ZNF469: variants seen among roughly 807,000 people sequenced by gnomAD.
ZNF469 encodes the protein zinc finger protein 469.
Under a neutral mutation model 1.0 loss-of-function variants are expected in ZNF469, and 1 was observed. The observed-to-expected ratio is 1.00, with a 90% CI of 0.35 to 4.73. The LOEUF (loss-of-function observed/expected upper bound fraction) is 4.73, where lower values mean the gene tolerates loss of function less well. Ranked by LOEUF, ZNF469 falls within the 30% of genes most tolerant of loss-of-function variation. The pLI is 0.16. For synonymous variants in ZNF469, 2,703 were observed against 2,363.4 expected (o/e 1.14, Z -4.17); for missense variants, 6,100 against 5,356.3 (o/e 1.14, Z -4.33).
chr16:88,200,127 G>A, the ZNF469 span, among the ~76,000 whole-genome samples: 1 of 152,010 alleles, frequency 6.6e-6, no homozygotes, highest in South Asian at 2.1e-4. Flanking sequence ...CGGCACGGCC[G>A]AAGAGAACAC....
the ZNF469 span, among the ~76,000 whole-genome samples, chr16:88,176,103 T>TG: frequency 0.017 from 2,514 of 151,968 alleles, 91 homozygotes; most frequent in African/African-American, 0.058. Context: ...CCCAGAGGGC[T>TG]GGGGGGTCTC....
At chr16:88,394,073 TG>T (rs1904578702) in intron 1 of ZNF469, among the ~76,000 whole-genome samples, 1 of 107,530 alleles carries the variant, frequency 9.3e-6, no homozygotes, top group Non-Finnish European at 2.2e-5. Context: ...CTGCGCTGCC[TG>T]AGAGGAGCAG....
the ZNF469 span, among the ~76,000 whole-genome samples, chr16:88,118,920 C>T: frequency 3.2e-4 from 48 of 152,316 alleles, no homozygotes; most frequent in Middle Eastern, 0.014. Context: ...CTGCATTCCA[C>T]GGAGATGCAG....
At chr16:88,247,027 A>ATAAG in the ZNF469 span, among the ~76,000 whole-genome samples, 1 of 149,494 alleles carries the variant, frequency 6.7e-6, no homozygotes, top group African/African-American at 2.5e-5. Flanking sequence ...GAGTGAGTGA[A>ATAAG]TGAGTGAATG....
chr16:88,253,616 C>G, the ZNF469 span, among the ~76,000 whole-genome samples: 1 of 151,072 alleles, frequency 6.6e-6, no homozygotes, highest in Non-Finnish European at 1.5e-5. Flanking sequence ...CGGCTCACTG[C>G]AAACTCTGCC....
In ZNF469 at chr16:88,438,221, C is replaced by G; in HGVS notation, c.10751C>G (p.Pro3584Arg). 1 of 1,546,880 alleles carries G rather than the reference C, an allele frequency of 6.5e-7. No homozygotes were observed. Among genetic ancestry groups the G allele is most frequent in the Non-Finnish European group, 8.7e-7 (1 of 1,144,560 alleles). ...ALERPENEASPGSPGPLLQQA... is the reference protein window; with the variant it reads ...ALERPENEASRGSPGPLLQQA... The stretch of plus-strand genomic sequence containing the variant: ...GAGAGGCCAGAGAACGAGGCTTCCC[C>G]AGGCAGCCCCGGGCCTCTTCTCCAG... The change falls in exon 3 of 3, where the codon CCA (proline) becomes CGA (arginine). Residue 3584 changes from proline to arginine, a missense_variant. By Grantham distance (103) the Pro-to-Arg change is moderately radical. Coordinates refer to ENST00000565624, the MANE Select transcript of ZNF469 (RefSeq NM_001367624.2).
the ZNF469 span, among the ~76,000 whole-genome samples, chr16:88,198,833 C>T: frequency 8.5e-5 from 13 of 152,324 alleles, no homozygotes; most frequent in South Asian, 8.3e-4. Flanking sequence ...CACGCCGGGA[C>T]GTTGCAAGGC....
chr16:88,434,726 A>C lies in ZNF469; in HGVS notation c.7256A>C (p.Gln2419Pro). The C allele has an allele frequency of 6.5e-7, 1 of 1,550,368 alleles. No individual in the cohort carries two copies. Among genetic ancestry groups the C allele is most frequent in the Non-Finnish European group, 8.7e-7 (1 of 1,146,976 alleles). The change falls in exon 3 of 3, where the codon CAG becomes CCG. Residue 2419 changes from glutamine (Q) to proline (P), a missense_variant. Gln to Pro is a moderately conservative substitution (Grantham distance 76, BLOSUM62 -1). Transcript: ENST00000565624. ...TAPSSTASDF[Q>P]SDSPQSHRNA... is the part of the protein sequence containing the mutation. ...CCAAGCAGCACAGCCAGTGACTTCC[A>C]GTCTGACTCCCCCCAAAGCCACAGA... is the stretch of plus-strand genomic sequence containing the variant.
At chr16:88,361,708 T>A in the ZNF469 span, among the ~76,000 whole-genome samples, 1 of 152,120 alleles carries the variant, frequency 6.6e-6, no homozygotes, top group Non-Finnish European at 1.5e-5. Flanking sequence ...CTTTTTTTTT[T>A]CGTTGAAATC....
chr16:88,106,416 T>C, the ZNF469 span, among the ~76,000 whole-genome samples: 6,688 of 152,312 alleles, frequency 0.044, 481 homozygotes, highest in African/African-American at 0.15. Flanking sequence ...CTGTCTACTC[T>C]TGTGTTCTAG....
chr16:88,340,274 G>A, the ZNF469 span, among the ~76,000 whole-genome samples: 1 of 152,194 alleles, frequency 6.6e-6, no homozygotes, highest in Non-Finnish European at 1.5e-5. Context: ...GTGGGAGTGA[G>A]CCACGTGTAC....
intron 1 of ZNF469, among the ~76,000 whole-genome samples, chr16:88,423,030 T>C (rs1905545241): frequency 6.7e-6 from 1 of 148,756 alleles, no homozygotes. Flanking sequence ...GGTATCTGGA[T>C]GGATGGGTAG....
chr16:88,327,854 G>T, the ZNF469 span, among the ~76,000 whole-genome samples: 1 of 152,212 alleles, frequency 6.6e-6, no homozygotes, highest in African/African-American at 2.4e-5. Flanking sequence ...CCCGAGTTCA[G>T]CTGGGGCCCA....
the ZNF469 span, among the ~76,000 whole-genome samples, chr16:88,274,994 G>A: frequency 4.6e-5 from 7 of 152,174 alleles, no homozygotes; most frequent in Non-Finnish European, 8.8e-5. Flanking sequence ...AACTAAAAAG[G>A]AGCAAAGTTG....
the ZNF469 span, among the ~76,000 whole-genome samples, chr16:88,120,631 GCAGA>G: frequency 3.9e-5 from 6 of 152,234 alleles, no homozygotes; most frequent in African/African-American, 7.2e-5. Flanking sequence ...CACGGAGCAT[GCAGA>G]CCCACCAGAA....
intron 1 of ZNF469, among the ~76,000 whole-genome samples, chr16:88,422,281 A>ATGGATGGATGGATGG (rs1567506436): frequency 3.3e-5 from 4 of 121,788 alleles, no homozygotes; most frequent in East Asian, 2.7e-4. Context: ...ATAGGTGGGT[A>ATGGATGGATGGATGG]ATGGATGGAT....
the ZNF469 span, among the ~76,000 whole-genome samples, chr16:88,104,615 G>C: frequency 6.6e-6 from 1 of 152,252 alleles, no homozygotes; most frequent in Non-Finnish European, 1.5e-5. Context: ...CTCGCTCAGC[G>C]TCACATTCCG....
rs139262594 is a variant in ZNF469, at chr16:88,394,216, T to C, written c.-192+10962T>C. Reference sequence around the variant, plus strand: ...CCTGGGAGGAGCGGAGTTTGACACATGTACACCTGTGCTGTCCAAGAGGAG... The same window carrying C: ...CCTGGGAGGAGCGGAGTTTGACACACGTACACCTGTGCTGTCCAAGAGGAG... On this transcript the variant is annotated intron_variant, in intron 1 of 2. Coordinates refer to ENST00000565624, the MANE Select transcript of ZNF469 (RefSeq NM_001367624.2). Among the ~76,000 whole-genome samples the C allele has an allele frequency of 1.9e-3, 286 of 147,836 alleles. 20 individuals carry two copies. The highest frequency in any genetic ancestry group is 7.0e-3 in the African/African-American group (273 of 39,034).
At chr16:88,106,164 T>C in the ZNF469 span, among the ~76,000 whole-genome samples, 4 of 152,182 alleles carry the variant, frequency 2.6e-5, no homozygotes, top group Admixed American at 2.6e-4. Flanking sequence ...AGGGAGACAG[T>C]GTGGCGGGCG....
Sources: allele counts gnomAD v4.1 joint callset (sites outside exome capture counted in the v4.1 genomes callset), GRCh38; gene constraint gnomAD v4.1.1; transcripts MANE v1.5; gene names NCBI Gene and HGNC (gene_info 2026-07-23, HGNC 2026-07-21).